The following TAF1 variants were observed in gnomAD, a reference collection of about 807,000 sequenced individuals.
TAF1 encodes the protein TATA-box binding protein associated factor 1.
Under a neutral mutation model 138.5 loss-of-function variants are expected in TAF1, and 2 were observed. The ratio of observed to expected loss-of-function variants is 0.01; its 90% CI spans 0.01 to 0.05. The LOEUF (loss-of-function observed/expected upper bound fraction) is 0.05. Among genes scored for constraint, TAF1 ranks in the 10% least tolerant of loss-of-function variants. TAF1 has a pLI of 1.00. For synonymous variants in TAF1, 437 were observed against 503.2 expected (o/e 0.87, Z 1.76); for missense variants, 709 against 1,478.0 (o/e 0.48, Z 8.53).
At chrX:71,406,446 T>C (rs994428554) in intron 25 of TAF1, among the ~76,000 whole-genome samples, 192 bp from the exon 26 acceptor site, 1 of 110,869 alleles carries the variant, frequency 9.0e-6, no homozygotes. Flanking sequence ...CCTAGTTATT[T>C]ATTAACTTGG....
downstream of TAF1, chrX:71,530,479 A>T (rs1287195243): frequency 5.2e-5 from 5 of 96,315 alleles, no homozygotes; most frequent in East Asian, 7.5e-4. Flanking sequence ...GAAGACGGAA[A>T]GAACACAGCT....
intron 13 of TAF1, among the ~76,000 whole-genome samples, chrX:71,494,933 G>A (rs1454498129): frequency 2.7e-5 from 3 of 112,140 alleles, no homozygotes; most frequent in Admixed American, 1.9e-4. Context: ...ACAGAGTGCT[G>A]ATTGGTCCAT....
At chrX:71,504,488 C>T (rs1447879899) in intron 13 of TAF1, among the ~76,000 whole-genome samples, 1 of 109,239 alleles carries the variant, frequency 9.2e-6, no homozygotes, top group East Asian at 2.9e-4. Context: ...AAGAGTTCCC[C>T]AATGTCAGGA....
intron 3 of TAF1, among the ~76,000 whole-genome samples, chrX:71,372,432 C>CAAAAAA (rs41384445): frequency 3.5e-5 from 1 of 28,547 alleles, no homozygotes; most frequent in Non-Finnish European, 5.6e-5. Context: ...AACTCTGCCT[C>CAAAAAA]AAAAAAAAAA....
intron 22 of TAF1, among the ~76,000 whole-genome samples, chrX:71,395,905 C>G (rs1355261410): frequency 9.0e-6 from 1 of 110,677 alleles, no homozygotes; most frequent in African/African-American, 3.3e-5. Flanking sequence ...CACCTGTAAT[C>G]CCAGCACTTT....
chrX:71,467,238 G>A (rs2038783226), downstream of TAF1, among the ~76,000 whole-genome samples: 2 of 109,290 alleles, frequency 1.8e-5, no homozygotes, highest in Admixed American at 9.9e-5. Context: ...AGGACCCTGC[G>A]GCCTTCCACA....
chrX:71,403,065 A>G lies in TAF1; in HGVS notation c.3998+1326A>G, dbSNP rs28382185. ...TTTTTTTGAGATAGGGTCTGGTTCTATTACCCAGGCTGGAGTGCAGGGGCA... is the reference window on the plus strand; with the variant it reads ...TTTTTTTGAGATAGGGTCTGGTTCTGTTACCCAGGCTGGAGTGCAGGGGCA... On this transcript the variant is annotated intron_variant, in intron 25 of 37. Transcript: ENST00000423759. Among the ~76,000 whole-genome samples the G allele has an allele frequency of 1.0e-3, 110 of 107,500 alleles. 1 individual carries two copies. The highest frequency in any genetic ancestry group is 3.6e-3 in the African/African-American group (105 of 29,463). The allele number at this position is 107,500 out of a possible 115,157, so 93.4% of individuals were successfully genotyped here.
intron 32 of TAF1, among the ~76,000 whole-genome samples, chrX:71,439,159 A>G (rs1235957885): frequency 3.6e-5 from 4 of 111,495 alleles, no homozygotes; most frequent in Non-Finnish European, 5.6e-5. Context: ...CTCAAGCTGA[A>G]TGTATTATTG....
At chrX:71,407,426 C>T in intron 26 of TAF1, 148 bp from the exon 27 acceptor site, 1 of 470,054 alleles carries the variant, frequency 2.1e-6, no homozygotes, top group Non-Finnish European at 3.7e-6. Context: ...CCATGTTGCC[C>T]AGGCTGGTGT....
At chrX:71,393,024 T>G (rs1217957189) in intron 20 of TAF1, 30 bp downstream of exon 20, 1 of 1,206,161 alleles carries the variant, frequency 8.3e-7, no homozygotes. Flanking sequence ...ATTTAGAGTA[T>G]ACTAGGGGCT....
At position 71,454,746 on chromosome X, in the gene TAF1, T is replaced by C; in HGVS notation, c.4827T>C (p.Asp1609=). The C allele has an allele frequency of 3.3e-6, 4 of 1,203,400 alleles. No individual in the cohort carries two copies. Among genetic ancestry groups the C allele is most frequent in the Non-Finnish European group, 4.5e-6 (4 of 890,796 alleles). ...TTATTTTCTTTGTTTCTCAGTATGA[T>C]GAACATTTGACTCAACTTGAGAAGG... ...NVCYQTLTEY[D]EHLTQLEKDI... Residue 1609 remains aspartate (D), a synonymous_variant, in exon 34 of 38, where the codon GAT becomes GAC. Transcript: ENST00000423759.
chrX:71,490,909 G>A (rs778984023), intron 13 of TAF1, among the ~76,000 whole-genome samples: 102 of 109,467 alleles, frequency 9.3e-4, no homozygotes, highest in African/African-American at 3.3e-3. Context: ...TAGAGATGGG[G>A]TTTCGCCATG....
In TAF1 at chrX:71,508,086, C is replaced by CTATATATA. The variant is rs1556033075; in HGVS notation, c.1367-20436_1367-20429dup. 3.6e-4 allele frequency among the ~76,000 whole-genome samples: 33 copies of CTATATATA among 92,176 alleles called. 1 individual carries two copies. Among genetic ancestry groups the CTATATATA allele is most frequent in the South Asian group, 3.0e-3 (6 of 2,021 alleles). The allele number at this position is 92,176 out of a possible 115,157, so 80.0% of individuals were successfully genotyped here. On this transcript the variant is annotated intron_variant and NMD_transcript_variant, in intron 13 of 14. Coordinates refer to the TAF1 transcript ENST00000373775. ...GAATATTCTCTCTCTCTCTCTCTCT[C>CTATATATA]TATATATATATATATATATATATAT...
chrX:71,430,250 G>A (rs1374457276), intron 32 of TAF1, among the ~76,000 whole-genome samples: 1 of 109,705 alleles, frequency 9.1e-6, no homozygotes, highest in African/African-American at 3.3e-5. Flanking sequence ...GCGTGGTGGC[G>A]AGCACCTGTA....
At chrX:71,474,153 A>AG (rs2038938940) in intron 13 of TAF1, among the ~76,000 whole-genome samples, 2 of 108,110 alleles carry the variant, frequency 1.8e-5, no homozygotes, top group Non-Finnish European at 3.8e-5. Flanking sequence ...AAAAAGAAAG[A>AG]AAGAGAGAGA....
chrX:71,503,344 G>A (rs766119354), intron 13 of TAF1, among the ~76,000 whole-genome samples: 6 of 87,390 alleles, frequency 6.9e-5, no homozygotes, highest in East Asian at 3.3e-4. Context: ...ATATATATAT[G>A]TGTATATATA....
downstream of TAF1, among the ~76,000 whole-genome samples, chrX:71,467,957 A>G (rs187219310): frequency 9.8e-5 from 11 of 112,201 alleles, no homozygotes. Flanking sequence ...CCGTGCATCA[A>G]GAGCATTAAG....
intron 28 of TAF1, among the ~76,000 whole-genome samples, chrX:71,417,019 C>CAA (rs1277682886): frequency 0.023 from 1,314 of 57,640 alleles, 38 homozygotes; most frequent in African/African-American, 0.075. Context: ...GACCCTGTCT[C>CAA]AAAAAAAAAA....
At chrX:71,519,452 G>A (rs2039887038) in intron 13 of TAF1, among the ~76,000 whole-genome samples, 1 of 106,712 alleles carries the variant, frequency 9.4e-6, no homozygotes, top group Non-Finnish European at 1.9e-5. Context: ...GTTTATCCTG[G>A]CTAACATGGT....
Sources: gnomAD v4.1 joint callset for allele counts (sites outside exome capture counted in the v4.1 genomes callset) on GRCh38, gnomAD v4.1.1 for gene constraint, MANE v1.5 for transcripts, NCBI Gene and HGNC (gene_info 2026-07-23, HGNC 2026-07-21) for gene names.